Variants in BRCA1 observed in about 807,000 individuals in gnomAD.
BRCA1 encodes the protein BRCA1 DNA repair associated.
In BRCA1, 140 loss-of-function variants were observed where a neutral mutation model predicts 173.7. The observed-to-expected ratio is 0.81, with a 90% CI of 0.70 to 0.93. BRCA1 has a LOEUF of 0.93. Among genes scored for constraint, BRCA1 ranks in the 40% least tolerant of loss-of-function variants. The probability of loss-of-function intolerance (pLI) is 0.00; values close to 1 mark genes in which losing one functional copy is unlikely to be tolerated. For missense variants in BRCA1, 1,983 were observed against 2,172.5 expected, an observed-to-expected ratio of 0.91 and a Z score of 1.73; for synonymous variants, 662 against 756.0, an observed-to-expected ratio of 0.88 and a Z score of 2.04.
chr17:43,135,142 C>T (rs375148945), intron 1 of BRCA1, among the ~76,000 whole-genome samples: 7 of 152,268 alleles, frequency 4.6e-5, no homozygotes, highest in Non-Finnish European at 8.8e-5. Context: ...TCCTAACCCA[C>T]GCCTGAAGAC....
chr17:43,108,811 G>A (rs374857952), intron 3 of BRCA1, among the ~76,000 whole-genome samples: 4 of 148,384 alleles, frequency 2.7e-5, no homozygotes, highest in African/African-American at 5.0e-5. Flanking sequence ...TGACCAACAC[G>A]GAGAAACCCT....
chr17:43,136,690 A>G (rs2056027313), intron 1 of BRCA1, among the ~76,000 whole-genome samples: 2 of 151,722 alleles, frequency 1.3e-5, no homozygotes, highest in African/African-American at 4.9e-5. Context: ...AAAAATGCTC[A>G]TCATCACTGG....
At position 43,091,695 on chromosome 17, in the gene BRCA1, G is replaced by A. The variant is rs1555586967; in HGVS notation, c.3836C>T (p.Ala1279Val). ...CTCACTAAGGTGATGTTCCTGAGAT[G>A]CCTTTGCCAATATTACCTGGTTACT... The part of the protein sequence containing the change: ...DCSNQVILAK[A>V]SQEHHLSEET... Residue 1279 changes from alanine to valine, a missense_variant, in exon 10 of 23, where the codon GCA becomes GTA. By Grantham distance (64) the Ala-to-Val change is moderately conservative. Transcript: ENST00000357654. The A allele has an allele frequency of 1.2e-6, 2 of 1,614,202 alleles. No homozygotes were observed. The highest frequency in any genetic ancestry group is 1.6e-4 in the Middle Eastern group (1 of 6,062).
chr17:43,089,190 A>G (rs1177988037), intron 11 of BRCA1, among the ~76,000 whole-genome samples: 1 of 152,000 alleles, frequency 6.6e-6, no homozygotes, highest in Non-Finnish European at 1.5e-5. Flanking sequence ...GGTGGCAGTC[A>G]CCTGTAATCC....
rs58245879 is a variant in BRCA1, at chr17:43,138,833, T to A, written c.-19-14718A>T. On this transcript the variant is annotated intron_variant, in intron 1 of 7. Transcript: ENST00000634433. ...GCTGGACTCCATACTCCCCCACCAG[T>A]CACCAGCCTGGGGACCGTGGGGCTG... 2,368 of 778,788 alleles carry A rather than the reference T, an allele frequency of 3.0e-3. 40 individuals carry two copies. The African/African-American group carries it at 0.036, about 12-fold the overall frequency. 48.2% of individuals were successfully genotyped at this position (778,788 alleles called of 1,614,324 possible).
Position 43,112,726 on chromosome 17 carries a change from CT to C in BRCA1, c.134+2999del, listed in dbSNP as rs374842106. ...TCTTTCCTGACTATCACAATCCTGACTATCACAAGCTTGAAACCAAGCTTCT... is the reference window on the plus strand; with the variant it reads ...TCTTTCCTGACTATCACAATCCTGACATCACAAGCTTGAAACCAAGCTTCT... On this transcript the variant is annotated intron_variant, in intron 3 of 22. Transcript: ENST00000357654. The C allele has an allele frequency of 0.45, 68,150 of 151,672 alleles. 17,016 individuals carry two copies. The highest frequency in any genetic ancestry group is 0.68 in the African/African-American group (28,116 of 41,342). 9.4% of individuals were successfully genotyped at this position (151,672 alleles called of 1,614,324 possible). A position where few individuals can be genotyped will look rare whatever the true frequency, so the allele number is the denominator to read the frequency against.
intron 17 of BRCA1, 136 bp from the exon 18 acceptor site, chr17:43,063,509 C>A (rs1597819437): frequency 1.3e-6 from 1 of 748,138 alleles, no homozygotes; most frequent in East Asian, 2.7e-5. Flanking sequence ...AAAGCCACAG[C>A]CCTTTAATAA....
chr17:43,149,113 C>T (rs566134892), intron 1 of BRCA1, among the ~76,000 whole-genome samples: 42 of 151,554 alleles, frequency 2.8e-4, no homozygotes, highest in African/African-American at 9.0e-4. Context: ...TTTTTTTCCC[C>T]CCCGAGACAG....
Position 43,051,308 on chromosome 17 carries a change from T to A in BRCA1, c.5278-191A>T, listed in dbSNP as rs8176297. Among the ~76,000 whole-genome samples the A allele has an allele frequency of 0.31, 47,221 of 152,128 alleles. 7,711 individuals are homozygous for A. The highest frequency in any genetic ancestry group is 0.49 in the South Asian group (2,377 of 4,816). Reference sequence around the variant, plus strand: ...AGCAGTCCAATGTCCAGAACACTACTGGATTTCAGAAGATCTTCTTGAAGT... The same window carrying A: ...AGCAGTCCAATGTCCAGAACACTACAGGATTTCAGAAGATCTTCTTGAAGT... On this transcript the variant is annotated intron_variant, in intron 19 of 22. Coordinates refer to ENST00000357654, the MANE Select transcript of BRCA1 (RefSeq NM_007294.4).
intron 14 of BRCA1, 31 bp from the exon 15 acceptor site, chr17:43,071,269 C>T (rs2153904714): frequency 6.2e-7 from 1 of 1,602,790 alleles, no homozygotes; most frequent in Non-Finnish European, 8.5e-7. Flanking sequence ...TTAATTTACA[C>T]AACGATGAAT....
Position 43,051,040 on chromosome 17 carries a change from C to G in BRCA1, c.5332+23G>C, listed in dbSNP as rs2051190177. ...TAAGACAAAGGCTGGTGCTGGAACT[C>G]TGGGGTTCTCCCAGGCTCTTACCTG... On this transcript the variant is annotated intron_variant, in intron 20 of 22. Coordinates refer to ENST00000357654, the MANE Select transcript of BRCA1 (RefSeq NM_007294.4). 6.2e-7 allele frequency: 1 copy of G among 1,610,448 alleles called. No homozygotes were observed. Among genetic ancestry groups the G allele is most frequent in the South Asian group, 1.1e-5 (1 of 91,010 alleles).
At chr17:43,048,172 G>C (rs1177044620) in intron 21 of BRCA1, among the ~76,000 whole-genome samples, 1 of 152,020 alleles carries the variant, frequency 6.6e-6, no homozygotes, top group Non-Finnish European at 1.5e-5. Flanking sequence ...GTGATTACAG[G>C]GGTGGGGCAC....
In BRCA1 at chr17:43,099,814, G is replaced by A. The variant is rs80357325; in HGVS notation, c.508C>T (p.Arg170Trp). The A allele has an allele frequency of 1.1e-5, 18 of 1,613,476 alleles. No individual in the cohort carries two copies. Among genetic ancestry groups the A allele is most frequent in the Admixed American group, 1.7e-5 (1 of 60,002 alleles). The change falls in exon 7 of 23, where the codon CGG becomes TGG. Residue 170 changes from arginine to tryptophan, a missense_variant. By Grantham distance (101) the Arg-to-Trp change is moderately radical. Coordinates refer to ENST00000357654, the MANE Select transcript of BRCA1 (RefSeq NM_007294.4). ...GTVRTLRTKQ[R>W]IQPQKTSVYI... ...ACAGACGTCTTTTGAGGTTGTATCC[G>A]CTGCTTTGTCCTCAGAGTTCTCACA...
At chr17:43,074,888 T>G (rs987406188) in intron 13 of BRCA1, among the ~76,000 whole-genome samples, 2 of 148,248 alleles carry the variant, frequency 1.3e-5, no homozygotes, top group African/African-American at 5.0e-5. Flanking sequence ...GCCACTGCAC[T>G]CCAGCCTGAG....
intron 2 of BRCA1, among the ~76,000 whole-genome samples, chr17:43,123,236 C>A (rs1180538429): frequency 1.3e-5 from 2 of 151,402 alleles, no homozygotes; most frequent in Non-Finnish European, 2.9e-5. Flanking sequence ...AAAAAAAAAA[C>A]CTCTGCATTT....
At chr17:43,065,283 T>C (rs766863114) in intron 16 of BRCA1, among the ~76,000 whole-genome samples, 3 of 152,162 alleles carry the variant, frequency 2.0e-5, no homozygotes, top group Non-Finnish European at 4.4e-5. Flanking sequence ...ATAATTTTCA[T>C]GAGTAAGTGG....
At chr17:43,152,886 T>C (rs2056171716) in intron 1 of BRCA1, among the ~76,000 whole-genome samples, 1 of 150,444 alleles carries the variant, frequency 6.6e-6, no homozygotes, top group East Asian at 1.9e-4. Context: ...TAAAAAAAAA[T>C]AAGCTGGGCA....
chr17:43,105,904 G>A (rs966398870), intron 4 of BRCA1, among the ~76,000 whole-genome samples: 1 of 152,034 alleles, frequency 6.6e-6, no homozygotes, highest in African/African-American at 2.4e-5. Context: ...GCCGAGGTGG[G>A]CAGATCACCT....
intron 1 of BRCA1, among the ~76,000 whole-genome samples, chr17:43,141,507 AT>A (rs1047539321): frequency 7.9e-5 from 12 of 151,798 alleles, no homozygotes; most frequent in African/African-American, 2.4e-4. Flanking sequence ...ACATAAAAAA[AT>A]TTTTTGTTAT....
Sources: gnomAD v4.1 joint callset for allele counts (sites outside exome capture counted in the v4.1 genomes callset) on GRCh38, gnomAD v4.1.1 for gene constraint, MANE v1.5 for transcripts, NCBI Gene and HGNC (gene_info 2026-07-23, HGNC 2026-07-21) for gene names.